Variants in ITPRID2 observed in about 807,000 individuals in gnomAD.
The protein encoded by ITPRID2 is protein ITPRID2.
A neutral mutation model predicts 124.3 loss-of-function variants in ITPRID2; 60 were observed. That is an observed-to-expected ratio of 0.48 (90% CI 0.39 to 0.60). The LOEUF (loss-of-function observed/expected upper bound fraction) is 0.60. Ranked by LOEUF, ITPRID2 falls within the 20% of genes least tolerant of loss-of-function variation. The probability of loss-of-function intolerance (pLI) is 0.00; values close to 1 mark genes in which losing one functional copy is unlikely to be tolerated. For missense variants in ITPRID2, 1,553 were observed against 1,512.2 expected (o/e 1.03, Z -0.45); for synonymous variants, 521 against 542.9 (o/e 0.96, Z 0.56).
chr2:181,898,848 T>C, intron 4 of ITPRID2, 32 bp from the exon 5 acceptor site: 1 of 1,534,932 alleles, frequency 6.5e-7, no homozygotes, highest in Non-Finnish European at 9.0e-7. Flanking sequence ...CTACTAACAA[T>C]TGTGCTCTAC....
In ITPRID2 at chr2:181,920,660, C is replaced by G. The variant is rs1559015472; in HGVS notation, c.3208C>G (p.Pro1070Ala). The stretch of plus-strand genomic sequence containing the variant: ...CCCTTCTCCATTGAATGTAATGGAA[C>G]CAGTAAGCTTCTTTCCTCTTAAATC... ...SCPSPLNVME[P>A]VTELMQEQSY... Residue 1070 changes from proline (P) to alanine (A), a missense_variant and splice_region_variant, in exon 15 of 18, where the codon CCA becomes GCA. By Grantham distance (27) the Pro-to-Ala change is conservative. Coordinates refer to ENST00000431877, the MANE Select transcript of ITPRID2 (RefSeq NM_001130445.3). 8 of 1,609,730 alleles carry G rather than the reference C, an allele frequency of 5.0e-6. No homozygotes were observed. Among genetic ancestry groups the G allele is most frequent in the Middle Eastern group, 3.3e-4 (2 of 6,046 alleles).
chr2:181,906,440 T>A (rs925410056), intron 8 of ITPRID2, among the ~76,000 whole-genome samples: 1 of 152,224 alleles, frequency 6.6e-6, no homozygotes, highest in African/African-American at 2.4e-5. Flanking sequence ...TTAATTTTGC[T>A]GTTAATTTTA....
intron 8 of ITPRID2, among the ~76,000 whole-genome samples, chr2:181,909,168 T>A (rs865849326): frequency 1.2e-4 from 18 of 152,160 alleles, no homozygotes; most frequent in Admixed American, 3.3e-4. Flanking sequence ...CAGGGAAGAT[T>A]TATGGTTAAT....
At position 181,901,843 on chromosome 2, in the gene ITPRID2, C is replaced by T. The variant is rs1574222559; in HGVS notation, c.790C>T (p.Pro264Ser). Reference sequence around the variant, plus strand: ...TTTATATTCTCAAGTCTCCGGGACGCCCCTGCAGAGAATTGGAAGTATGTC... The same window carrying T: ...TTTATATTCTCAAGTCTCCGGGACGTCCCTGCAGAGAATTGGAAGTATGTC... Reference protein sequence around the residue: ...SSLYSQVSGTPLQRIGSMSSV... With the variant: ...SSLYSQVSGTSLQRIGSMSSV... Residue 264 changes from proline (P) to serine (S), a missense_variant, in exon 8 of 18, where the codon CCC becomes TCC. Transcript: ENST00000431877. 1.2e-6 allele frequency: 2 copies of T among 1,613,818 alleles called. No individual in the cohort carries two copies. The highest frequency in any genetic ancestry group is 1.7e-6 in the Non-Finnish European group (2 of 1,179,832).
chr2:181,897,257 C>T (rs1692276696), intron 4 of ITPRID2, among the ~76,000 whole-genome samples: 2 of 151,858 alleles, frequency 1.3e-5, no homozygotes, highest in African/African-American at 4.8e-5. Context: ...AAGAATTGTC[C>T]TGAAAAAGGA....
chr2:181,919,327 A>T lies in ITPRID2; in HGVS notation c.3025A>T (p.Asn1009Tyr), dbSNP rs1694308143. The T allele has an allele frequency of 9.3e-6, 15 of 1,614,164 alleles. No homozygotes were observed. The highest frequency in any genetic ancestry group is 1.3e-5 in the Non-Finnish European group (15 of 1,180,036). The change falls in exon 14 of 18, where the codon AAT becomes TAT. Residue 1009 changes from asparagine (N) to tyrosine (Y), a missense_variant. Asn to Tyr is a moderately radical substitution (Grantham distance 143). Coordinates refer to ENST00000431877, the MANE Select transcript of ITPRID2 (RefSeq NM_001130445.3). The surrounding 1 kb of genome is among the most constrained non-coding windows in gnomAD (Gnocchi z 4.2). ...AGTTGATCAGCTCCAGGGTTTGAGAAATTCAGTCCGAATGGAACTTCAGGA... is the reference window on the plus strand; with the variant it reads ...AGTTGATCAGCTCCAGGGTTTGAGATATTCAGTCCGAATGGAACTTCAGGA... ...FEVDQLQGLR[N>Y]SVRMELQDLE...
chr2:181,913,913 C>G lies in ITPRID2; in HGVS notation c.1555C>G (p.Leu519Val). 1.9e-6 allele frequency: 3 copies of G among 1,612,954 alleles called. No homozygotes were observed. The highest frequency in any genetic ancestry group is 2.5e-6 in the Non-Finnish European group (3 of 1,179,512). The change falls in exon 10 of 18, where the codon CTA (leucine) becomes GTA (valine). Residue 519 changes from leucine to valine, a missense_variant. Physicochemically the swap from Leu to Val is conservative, Grantham distance 32 (BLOSUM62 1). Coordinates refer to ENST00000431877, the MANE Select transcript of ITPRID2 (RefSeq NM_001130445.3). Reference sequence around the variant, plus strand: ...TTTTGCTGAAGATTCTACAGACTGCCTATCCCTTAATCATCTTCAGGTAAA... The same window carrying G: ...TTTTGCTGAAGATTCTACAGACTGCGTATCCCTTAATCATCTTCAGGTAAA... Reference protein sequence around the residue: ...SGFAEDSTDCLSLNHLQVQES... With the variant: ...SGFAEDSTDCVSLNHLQVQES...
At chr2:181,915,103 C>T in intron 10 of ITPRID2, 113 bp from the exon 11 acceptor site, 5 of 1,252,236 alleles carry the variant, frequency 4.0e-6, no homozygotes, top group Non-Finnish European at 5.6e-6. Context: ...AACAGCAGGG[C>T]CACAACTGCA....
At chr2:181,904,310 G>T (rs1032133364) in intron 8 of ITPRID2, among the ~76,000 whole-genome samples, 1 of 151,988 alleles carries the variant, frequency 6.6e-6, no homozygotes. Context: ...TACATGCATT[G>T]GTGGAAGAAT....
rs946729230 is a variant in ITPRID2 at position 181,898,013 on chromosome 2, G to GATA, written c.365-863_365-861dup. Among the ~76,000 whole-genome samples, 9 of 151,956 alleles carry GATA rather than the reference G, an allele frequency of 5.9e-5. 1 individual carries two copies. The highest frequency in any genetic ancestry group is 3.9e-4 in the Admixed American group (6 of 15,258). On this transcript the variant is annotated intron_variant, in intron 4 of 17. Transcript: ENST00000431877. ...CTTTTGATATTTGCCTTGGTAGTTT[G>GATA]ATAATATTGAATGATTTTATTGGAA...
intron 8 of ITPRID2, among the ~76,000 whole-genome samples, chr2:181,903,741 AT>A (rs1342179976): frequency 8.6e-5 from 13 of 151,988 alleles, no homozygotes; most frequent in African/African-American, 3.1e-4. Context: ...ACCTCCTGGT[AT>A]AATTTATTTC....
At chr2:181,924,250 C>CATATTTAAT (rs1694689599) in intron 16 of ITPRID2, among the ~76,000 whole-genome samples, 1 of 152,060 alleles carries the variant, frequency 6.6e-6, no homozygotes, top group African/African-American at 2.4e-5. Flanking sequence ...ACTTTAAAAG[C>CATATTTAAT]ATATTTAATA....
In ITPRID2 at chr2:181,916,342, G is replaced by T; in HGVS notation, c.2702G>T (p.Cys901Phe). The change falls in exon 11 of 18, where the codon TGC becomes TTC. Residue 901 changes from cysteine (C) to phenylalanine (F), a missense_variant. By Grantham distance (205) the Cys-to-Phe change is radical. Transcript: ENST00000431877. ...HRHATYPYRV[C>F]SVNPPSAIEM... The stretch of plus-strand genomic sequence containing the variant: ...CATGCCACCTACCCTTACCGAGTGT[G>T]CTCTGTGAATCCTCCTTCAGCCATA... The T allele has an allele frequency of 6.2e-7, 1 of 1,614,200 alleles. No homozygotes were observed. The highest frequency in any genetic ancestry group is 1.1e-5 in the South Asian group (1 of 91,082).
In ITPRID2 at chr2:181,902,060, G is replaced by A; in HGVS notation, c.1007G>A (p.Gly336Asp). 7.4e-6 allele frequency: 12 copies of A among 1,611,886 alleles called. No homozygotes were observed. Among genetic ancestry groups the A allele is most frequent in the Non-Finnish European group, 1.0e-5 (12 of 1,179,366 alleles). Residue 336 changes from glycine (G) to aspartate (D), a missense_variant, in exon 8 of 18, where the codon GGC becomes GAC. Coordinates refer to ENST00000431877, the MANE Select transcript of ITPRID2 (RefSeq NM_001130445.3). This position sits in a 1 kb window ranked among gnomAD's most constrained non-coding sequence, Gnocchi z 4.4. The stretch of plus-strand genomic sequence containing the variant: ...AATGTTTCAGTGATTGAAGAAAGTG[G>A]CAATAAAAACGATCAAAAGTCTCAA... ...ILNVSVIEES[G>D]NKNDQKSQKI...
At position 181,913,816 on chromosome 2, in the gene ITPRID2, T is replaced by C. The variant is rs112352011; in HGVS notation, c.1487-29T>C. ...CTTTTTTTATTTATAGATCATCTGT[T>C]TCTTATAGCCACATTTTTTTATTCA... On this transcript the variant is annotated intron_variant, in intron 9 of 17. Coordinates refer to ENST00000431877, the MANE Select transcript of ITPRID2 (RefSeq NM_001130445.3). 1.1e-3 allele frequency: 1,691 copies of C among 1,551,970 alleles called. 9 individuals carry two copies. The African/African-American group carries it at 0.015, about 13-fold the overall frequency.
intron 8 of ITPRID2, among the ~76,000 whole-genome samples, chr2:181,906,789 T>C (rs1477862184): frequency 6.6e-6 from 1 of 152,064 alleles, no homozygotes; most frequent in South Asian, 2.1e-4. Flanking sequence ...CAGATAATTG[T>C]CAGAGGCCGT....
chr2:181,919,428 C>CGAG lies in ITPRID2; in HGVS notation c.3126_3127insGAG (p.Phe1042_Arg1043insGlu). On this transcript the variant is annotated inframe_insertion, in exon 14 of 18. Coordinates refer to ENST00000431877, the MANE Select transcript of ITPRID2 (RefSeq NM_001130445.3). The surrounding 1 kb of genome is among the most constrained non-coding windows in gnomAD (Gnocchi z 4.2). ...GTGCTGTGCGCATGCCTTCACCCTT[C>CGAG]CGCTCCTCCGCACTCATGGTACGCT... 1 of 1,603,342 alleles carries CGAG rather than the reference C, an allele frequency of 6.2e-7. No individual in the cohort carries two copies. The highest frequency in any genetic ancestry group is 8.5e-7 in the Non-Finnish European group (1 of 1,174,924).
Position 181,900,918 on chromosome 2 carries a change from G to T in ITPRID2, c.712+14G>T. 6.3e-7 allele frequency: 1 copy of T among 1,578,564 alleles called. No individual in the cohort carries two copies. The highest frequency in any genetic ancestry group is 8.6e-7 in the Non-Finnish European group (1 of 1,162,610). ...ATGCTTTAACAAGTAAGATTTTTAA[G>T]TGTTAGGCATATTATTTTCTTAAAT... is the stretch of plus-strand genomic sequence containing the variant. On this transcript the variant is annotated intron_variant, in intron 7 of 17. Coordinates refer to ENST00000431877, the MANE Select transcript of ITPRID2 (RefSeq NM_001130445.3).
At position 181,891,885 on chromosome 2, in the gene ITPRID2, T is replaced by A; in HGVS notation, c.-182T>A. The A allele has an allele frequency of 2.8e-6, 1 of 359,588 alleles. No homozygotes were observed. The highest frequency in any genetic ancestry group is 5.2e-6 in the Non-Finnish European group (1 of 194,010). The allele number at this position is 359,588 out of a possible 1,614,324, so 22.3% of individuals were successfully genotyped here. A position where few individuals can be genotyped will look rare whatever the true frequency, so the allele number is the denominator to read the frequency against. ...TGTGAAGCGCCGGCCCTCCGCCCCT[T>A]CCCTCCCCTTCCTTCCCTCCCTCCC... On this transcript the variant is annotated 5_prime_UTR_variant, in exon 1 of 18. Coordinates refer to ENST00000431877, the MANE Select transcript of ITPRID2 (RefSeq NM_001130445.3).
Sources: allele counts gnomAD v4.1 joint callset (sites outside exome capture counted in the v4.1 genomes callset), GRCh38; gene constraint gnomAD v4.1.1; non-coding constraint Gnocchi (gnomAD v3.1); transcripts MANE v1.5; gene names NCBI Gene and HGNC (gene_info 2026-07-23, HGNC 2026-07-21).